RGS7: variants seen among roughly 807,000 people sequenced by gnomAD.
RGS7 encodes regulator of G-protein signaling 7.
A neutral mutation model predicts 81.1 loss-of-function variants in RGS7; 27 were observed. That is an observed-to-expected ratio of 0.33 (90% CI 0.25 to 0.46). RGS7 has a LOEUF of 0.46. Ranked by LOEUF, RGS7 falls within the 20% of genes least tolerant of loss-of-function variation. The pLI is 1.00. For missense variants in RGS7, 396 were observed against 607.4 expected, an observed-to-expected ratio of 0.65 and a Z score of 3.66; for synonymous variants, 208 against 207.7, an observed-to-expected ratio of 1.00 and a Z score of -0.01.
chr1:241,166,994 C>A (rs2070311036), intron 2 of RGS7, among the ~76,000 whole-genome samples: 1 of 152,184 alleles, frequency 6.6e-6, no homozygotes, highest in African/African-American at 2.4e-5. Context: ...TGTTTCCCAT[C>A]CTCTTCCTCT....
At chr1:241,253,213 T>C (rs2076912949) in intron 2 of RGS7, among the ~76,000 whole-genome samples, 1 of 152,196 alleles carries the variant, frequency 6.6e-6, no homozygotes, top group African/African-American at 2.4e-5. Flanking sequence ...ATTATCGACA[T>C]GTAGCATGCT....
chr1:240,934,877 T>TC (rs1676337650), intron 5 of RGS7, among the ~76,000 whole-genome samples: 1 of 84,174 alleles, frequency 1.2e-5, no homozygotes, highest in East Asian at 2.9e-4. Flanking sequence ...TTCACATGGC[T>TC]TTTTTTTTTT....
intron 3 of RGS7, among the ~76,000 whole-genome samples, chr1:241,059,674 C>T (rs780022454): frequency 5.3e-5 from 8 of 152,168 alleles, no homozygotes; most frequent in Admixed American, 1.3e-4. Context: ...CACCACTCAG[C>T]GCCTGGCTTC....
At chr1:240,849,954 C>A (rs908477367) in intron 9 of RGS7, among the ~76,000 whole-genome samples, 1 of 152,184 alleles carries the variant, frequency 6.6e-6, no homozygotes, top group African/African-American at 2.4e-5. Context: ...ATTCCGCACC[C>A]GTACTGGATT....
At chr1:241,100,908 T>C (rs2064689677) in intron 2 of RGS7, among the ~76,000 whole-genome samples, 1 of 152,174 alleles carries the variant, frequency 6.6e-6, no homozygotes, top group Admixed American at 6.5e-5. Context: ...TGCCCCCTAA[T>C]TTACTCCAGG....
At chr1:241,355,645 A>C in intron 2 of RGS7, 54 bp downstream of exon 2, 1 of 1,534,262 alleles carries the variant, frequency 6.5e-7, no homozygotes. Context: ...AGGGGGAAAA[A>C]AATCGAGAAA....
chr1:241,083,639 T>C lies in RGS7; in HGVS notation c.175+15027A>G, dbSNP rs568360419. On this transcript the variant is annotated intron_variant, in intron 3 of 18. Transcript: ENST00000440928. ...TGCGGATCTAGTTAACATTTCCTGTTTTCTGCAAGAATTAATTTTTTTCCT... is the reference window on the plus strand; with the variant it reads ...TGCGGATCTAGTTAACATTTCCTGTCTTCTGCAAGAATTAATTTTTTTCCT... Among the ~76,000 whole-genome samples, 70 of 152,340 alleles carry C rather than the reference T, an allele frequency of 4.6e-4. 1 individual carries two copies. Among genetic ancestry groups the C allele is most frequent in the South Asian group, 3.1e-3 (15 of 4,830 alleles).
At chr1:240,845,862 G>A (rs971000328) in intron 9 of RGS7, among the ~76,000 whole-genome samples, 3 of 152,174 alleles carry the variant, frequency 2.0e-5, no homozygotes, top group Non-Finnish European at 2.9e-5. Context: ...CAGTAAAAGG[G>A]ACAATGCTGG....
intron 3 of RGS7, among the ~76,000 whole-genome samples, chr1:241,016,024 T>C (rs2059201313): frequency 6.6e-6 from 1 of 152,220 alleles, no homozygotes; most frequent in Non-Finnish European, 1.5e-5. Context: ...TCTTAATTTA[T>C]TGTTTAATTC....
intron 4 of RGS7, among the ~76,000 whole-genome samples, chr1:240,972,462 C>T (rs1389395674): frequency 4.4e-5 from 6 of 136,334 alleles, no homozygotes; most frequent in East Asian, 2.2e-4. Flanking sequence ...AACCAAACAC[C>T]GCATATTCTC....
At chr1:241,212,586 G>A (rs1398492515) in intron 2 of RGS7, among the ~76,000 whole-genome samples, 2 of 152,202 alleles carry the variant, frequency 1.3e-5, no homozygotes, top group Non-Finnish European at 2.9e-5. Flanking sequence ...GTCTGCACAG[G>A]AGGGTAGTAC....
intron 3 of RGS7, among the ~76,000 whole-genome samples, chr1:240,996,963 G>T (rs1290204704): frequency 6.6e-6 from 1 of 151,310 alleles, no homozygotes. Context: ...TTGTTTGTTT[G>T]CTTGTTTTTA....
At chr1:241,254,891 A>C (rs1287684821) in intron 2 of RGS7, among the ~76,000 whole-genome samples, 1 of 152,190 alleles carries the variant, frequency 6.6e-6, no homozygotes, top group Non-Finnish European at 1.5e-5. Flanking sequence ...TGATGCCAAA[A>C]GTCACCAACT....
At chr1:241,032,291 G>A (rs1403267223) in intron 3 of RGS7, among the ~76,000 whole-genome samples, 1 of 152,144 alleles carries the variant, frequency 6.6e-6, no homozygotes, top group Non-Finnish European at 1.5e-5. Flanking sequence ...CTGCATGTAT[G>A]TAGCTTTATT....
At chr1:241,057,923 A>C (rs1417586133) in intron 3 of RGS7, among the ~76,000 whole-genome samples, 1 of 152,114 alleles carries the variant, frequency 6.6e-6, no homozygotes, top group African/African-American at 2.4e-5. Context: ...CTTGGATCTC[A>C]TGTTGTTATA....
intron 10 of RGS7, among the ~76,000 whole-genome samples, chr1:240,820,782 T>C (rs181951309): frequency 6.6e-6 from 1 of 152,290 alleles, no homozygotes; most frequent in African/African-American, 2.4e-5. Flanking sequence ...TTGTGAGCAA[T>C]ACATTTCTGT....
At chr1:241,031,656 A>C (rs959227739) in intron 3 of RGS7, among the ~76,000 whole-genome samples, 2 of 152,080 alleles carry the variant, frequency 1.3e-5, no homozygotes, top group East Asian at 3.9e-4. Context: ...TTGACTTTTT[A>C]TAATAGCCAT....
intron 16 of RGS7, 26 bp from the exon 17 acceptor site, chr1:240,801,534 T>A: frequency 6.7e-7 from 1 of 1,498,538 alleles, no homozygotes; most frequent in Non-Finnish European, 9.3e-7. Context: ...TAGGATAGGA[T>A]GAAGGGAAAT....
intron 3 of RGS7, among the ~76,000 whole-genome samples, chr1:241,086,289 G>A (rs1386249463): frequency 6.6e-6 from 1 of 152,180 alleles, no homozygotes; most frequent in African/African-American, 2.4e-5. Context: ...GAAAGGAAGA[G>A]AGAATCTCTT....
Sources: allele counts gnomAD v4.1 joint callset (sites outside exome capture counted in the v4.1 genomes callset), GRCh38; gene constraint gnomAD v4.1.1; transcripts MANE v1.5; gene names NCBI Gene and HGNC (gene_info 2026-07-23, HGNC 2026-07-21).